CELF2: variants seen among roughly 807,000 people sequenced by gnomAD.
CELF2 encodes CUG triplet repeat RNA-binding protein 2.
In CELF2, 8 loss-of-function variants were observed where a neutral mutation model predicts 62.6. The ratio of observed to expected loss-of-function variants is 0.13; its 90% CI spans 0.07 to 0.23. The LOEUF (loss-of-function observed/expected upper bound fraction) is 0.23. Among genes scored for constraint, CELF2 ranks in the 10% least tolerant of loss-of-function variants. CELF2 has a pLI of 1.00. For synonymous variants in CELF2, 258 were observed against 250.0 expected (o/e 1.03, Z -0.30); for missense variants, 333 against 671.0 (o/e 0.50, Z 5.56).
At chr10:10,862,739 C>T (rs557115643) in intron 1 of CELF2, among the ~76,000 whole-genome samples, 50 of 152,288 alleles carry the variant, frequency 3.3e-4, no homozygotes, top group African/African-American at 1.1e-3. Context: ...TTGAGAGTAC[C>T]TGCTTTTATA....
At chr10:11,102,540 G>C (rs557881435) in intron 1 of CELF2, among the ~76,000 whole-genome samples, 1 of 152,290 alleles carries the variant, frequency 6.6e-6, no homozygotes, top group East Asian at 1.9e-4. Context: ...TAGCTTTCAT[G>C]GAGATGTGTG....
At chr10:11,293,059 C>G (rs1307469067) in intron 9 of CELF2, among the ~76,000 whole-genome samples, 1 of 152,210 alleles carries the variant, frequency 6.6e-6, no homozygotes, top group Non-Finnish European at 1.5e-5. Flanking sequence ...CAGGGTCCAC[C>G]TGGACCACCT....
At chr10:10,760,781 G>T in the CELF2 span, among the ~76,000 whole-genome samples, 10 of 152,320 alleles carry the variant, frequency 6.6e-5, no homozygotes, top group African/African-American at 2.2e-4. Context: ...TTGTAAAAGT[G>T]CTGTGGAAAG....
chr10:10,761,536 A>G, the CELF2 span, among the ~76,000 whole-genome samples: 1 of 152,178 alleles, frequency 6.6e-6, no homozygotes, highest in African/African-American at 2.4e-5. Context: ...GATGAGATTA[A>G]TGTTTGAATC....
chr10:11,078,687 G>A lies in CELF2; in HGVS notation c.74+60524G>A, dbSNP rs143275209. On this transcript the variant is annotated intron_variant, in intron 1 of 12. Coordinates refer to ENST00000633077, the MANE Select transcript of CELF2 (RefSeq NM_001326342.2). The stretch of plus-strand genomic sequence containing the variant: ...ATTATGTCAGATTAGAAAAGAGTGG[G>A]CGGTTCTTTCTCTTCATGCACGGCT... Among the ~76,000 whole-genome samples, 432 of 152,292 alleles carry A rather than the reference G, an allele frequency of 2.8e-3. 2 individuals carry two copies. Among genetic ancestry groups the A allele is most frequent in the African/African-American group, 9.8e-3 (408 of 41,560 alleles).
intron 1 of CELF2, among the ~76,000 whole-genome samples, chr10:11,100,480 C>T (rs1203273392): frequency 6.6e-6 from 1 of 151,840 alleles, no homozygotes; most frequent in African/African-American, 2.4e-5. Flanking sequence ...TTCAGGACCA[C>T]ATGTGAGTTC....
intron 1 of CELF2, among the ~76,000 whole-genome samples, chr10:11,139,195 T>G (rs1333376580): frequency 6.6e-6 from 1 of 152,186 alleles, no homozygotes; most frequent in Non-Finnish European, 1.5e-5. Context: ...TAAATAAATG[T>G]GGAGTTTATG....
At chr10:10,902,884 AGAGAGAGGGAAGAAGG>A (rs2063039537) in intron 1 of CELF2, among the ~76,000 whole-genome samples, 1 of 127,530 alleles carries the variant, frequency 7.8e-6, no homozygotes, top group African/African-American at 2.9e-5. Flanking sequence ...TATAGGCAGG[AGAGAGAGGGAAGAAGG>A]GAGGGAGGGA....
intron 1 of CELF2, among the ~76,000 whole-genome samples, chr10:10,844,210 A>G (rs1046871073): frequency 8.6e-5 from 13 of 151,994 alleles, no homozygotes; most frequent in African/African-American, 2.7e-4. Context: ...GAGTATACTT[A>G]ATGGGGAACC....
At chr10:11,081,026 C>G (rs959736306) in intron 1 of CELF2, among the ~76,000 whole-genome samples, 2 of 152,000 alleles carry the variant, frequency 1.3e-5, no homozygotes, top group African/African-American at 4.8e-5. Flanking sequence ...TCAGATGTTG[C>G]TTTAGCATCC....
In CELF2 at chr10:11,223,632, A is replaced by G. The variant is rs1249530174; in HGVS notation, c.354+6125A>G. Among the ~76,000 whole-genome samples, 5 of 152,174 alleles carry G rather than the reference A, an allele frequency of 3.3e-5. No homozygotes were observed. Among genetic ancestry groups the G allele is most frequent in the Non-Finnish European group, 7.3e-5 (5 of 68,038 alleles). On this transcript the variant is annotated intron_variant, in intron 3 of 12. Coordinates refer to ENST00000633077, the MANE Select transcript of CELF2 (RefSeq NM_001326342.2). This position sits in a 1 kb window ranked among gnomAD's most constrained non-coding sequence, Gnocchi z 5.1. ...GACTGTGACAGAGAGTAGCAGGGGG[A>G]GCTCCGGAGGAGTCCTTGAGGGTGC...
chr10:10,881,102 G>C (rs138557508), intron 1 of CELF2, among the ~76,000 whole-genome samples: 289 of 152,240 alleles, frequency 1.9e-3, no homozygotes, highest in African/African-American at 6.5e-3. Flanking sequence ...CTTCACTTAC[G>C]ACTGTTACTA....
At chr10:10,637,634 C>T in the CELF2 span, among the ~76,000 whole-genome samples, 7 of 152,150 alleles carry the variant, frequency 4.6e-5, no homozygotes, top group East Asian at 3.9e-4. Context: ...AAGGTGACTG[C>T]GCTAAAACCA....
intron 2 of CELF2, among the ~76,000 whole-genome samples, chr10:11,187,458 A>G (rs1264035808): frequency 6.6e-6 from 1 of 152,140 alleles, no homozygotes; most frequent in East Asian, 1.9e-4. Flanking sequence ...GTCGGATCAT[A>G]ATTTTTTTGA....
chr10:11,152,227 C>T (rs1033974422), intron 1 of CELF2, among the ~76,000 whole-genome samples: 13 of 152,082 alleles, frequency 8.5e-5, no homozygotes, highest in African/African-American at 2.7e-4. Context: ...GTAGTCACTG[C>T]GAAACTGGAC....
chr10:11,268,700 T>C lies in CELF2; in HGVS notation c.619-1966T>C, dbSNP rs912359043. ...CTGACACTTAAATTTCTTGTTTGGT[T>C]TTTTTTTTAATTGGCATTTAAATAG... On this transcript the variant is annotated intron_variant, in intron 6 of 12. Transcript: ENST00000633077. This position sits in a 1 kb window ranked among gnomAD's most constrained non-coding sequence, Gnocchi z 4.7. Among the ~76,000 whole-genome samples the C allele has an allele frequency of 6.5e-5, 1 of 15,352 alleles. No homozygotes were observed. The highest frequency in any genetic ancestry group is 9.3e-5 in the African/African-American group (1 of 10,712). 10.1% of individuals were successfully genotyped at this position (15,352 alleles called of 152,430 possible).
chr10:11,051,099 A>G (rs1245592889), intron 1 of CELF2, among the ~76,000 whole-genome samples: 1 of 152,218 alleles, frequency 6.6e-6, no homozygotes, highest in Non-Finnish European at 1.5e-5. Flanking sequence ...GCATGGGGAC[A>G]CTTCTTCGCT....
chr10:10,514,306 T>G, the CELF2 span, among the ~76,000 whole-genome samples: 1 of 152,240 alleles, frequency 6.6e-6, no homozygotes, highest in Non-Finnish European at 1.5e-5. Context: ...TCATGGAATT[T>G]TTTTTTTAAA....
the CELF2 span, among the ~76,000 whole-genome samples, chr10:10,606,761 T>C: frequency 1.3e-5 from 2 of 152,146 alleles, no homozygotes; most frequent in African/African-American, 4.8e-5. Flanking sequence ...TTGTATAAAA[T>C]TGGATGGGCC....
Sources: allele counts gnomAD v4.1 joint callset (sites outside exome capture counted in the v4.1 genomes callset), GRCh38; gene constraint gnomAD v4.1.1; non-coding constraint Gnocchi (gnomAD v3.1); transcripts MANE v1.5; gene names NCBI Gene and HGNC (gene_info 2026-07-23, HGNC 2026-07-21).